The following SRBD1 variants were observed in gnomAD, a reference collection of about 807,000 sequenced individuals.
SRBD1 encodes S1 RNA binding domain 1, also known as S1 RNA-binding domain-containing protein 1.
Under a neutral mutation model 115.3 loss-of-function variants are expected in SRBD1, and 88 were observed. That is an observed-to-expected ratio of 0.76 (90% CI 0.64 to 0.91). SRBD1 has a LOEUF of 0.91. SRBD1 is among the 40% of genes least tolerant of loss of function. SRBD1 has a pLI of 0.00. For missense variants in SRBD1, 1,385 were observed against 1,177.4 expected (o/e 1.18, Z -2.58); for synonymous variants, 509 against 407.7 (o/e 1.25, Z -2.99).
At chr2:45,603,737 C>A (rs1419243369) in intron 2 of SRBD1, among the ~76,000 whole-genome samples, 1 of 152,102 alleles carries the variant, frequency 6.6e-6, no homozygotes, top group Non-Finnish European at 1.5e-5. Flanking sequence ...CTATGATGGC[C>A]AGGCTAGACT....
chr2:45,414,839 C>T (rs1050798755), intron 18 of SRBD1, among the ~76,000 whole-genome samples: 7 of 143,784 alleles, frequency 4.9e-5, no homozygotes, highest in African/African-American at 1.4e-4. Flanking sequence ...AGTATGTACA[C>T]ACACATATAG....
At chr2:45,473,573 T>A (rs1416154873) in intron 16 of SRBD1, among the ~76,000 whole-genome samples, 1 of 152,220 alleles carries the variant, frequency 6.6e-6, no homozygotes, top group East Asian at 1.9e-4. Flanking sequence ...AATTGATGGT[T>A]TGCCTGATTT....
Position 45,602,001 on chromosome 2 carries a change from G to C in SRBD1, c.163C>G (p.Pro55Ala), listed in dbSNP as rs751705938. ...KKVPRSRKQP[P>A]PKESKPKRMP... ...CTCTTTGGTTTGGATTCCTTGGGAG[G>C]GGGCTGTTTACGGCTTCTGGGAACT... The change falls in exon 3 of 21, where the codon CCT becomes GCT. Residue 55 changes from proline to alanine, a missense_variant. Physicochemically the swap from Pro to Ala is conservative, Grantham distance 27 (BLOSUM62 -1). Transcript: ENST00000263736. The C allele has an allele frequency of 1.9e-6, 3 of 1,614,076 alleles. No homozygotes were observed. The highest frequency in any genetic ancestry group is 2.7e-5 in the African/African-American group (2 of 74,940).
At chr2:45,422,479 G>T (rs549877913) in intron 16 of SRBD1, among the ~76,000 whole-genome samples, 1 of 151,968 alleles carries the variant, frequency 6.6e-6, no homozygotes, top group South Asian at 2.1e-4. Context: ...ATTTGCCACC[G>T]GCATAAAAAA....
intron 16 of SRBD1, among the ~76,000 whole-genome samples, chr2:45,420,754 C>T (rs993823608): frequency 1.3e-5 from 2 of 152,230 alleles, no homozygotes; most frequent in African/African-American, 2.4e-5. Flanking sequence ...GATAACGCAG[C>T]ATTTCTTAAA....
chr2:45,503,541 G>C (rs952052419), intron 14 of SRBD1, among the ~76,000 whole-genome samples: 2 of 152,046 alleles, frequency 1.3e-5, no homozygotes, highest in African/African-American at 2.4e-5. Context: ...AATTTTATTA[G>C]TCATTTTCAC....
rs559535103 is a variant in SRBD1, at chr2:45,606,672, A to G, written c.1-1231T>C. Among the ~76,000 whole-genome samples the G allele has an allele frequency of 2.7e-4, 41 of 152,364 alleles. 1 individual carries two copies. The highest frequency in any genetic ancestry group is 1.4e-3 in the Admixed American group (21 of 15,304). On this transcript the variant is annotated intron_variant, in intron 1 of 20. Transcript: ENST00000263736. The stretch of plus-strand genomic sequence containing the variant: ...AATTCGAAGGCCAAGCTGTAAAAAA[A>G]AGTTAAGACAAATAACCAGAGACAT...
chr2:45,420,765 A>C (rs1424625671), intron 16 of SRBD1, among the ~76,000 whole-genome samples: 1 of 152,246 alleles, frequency 6.6e-6, no homozygotes, highest in African/African-American at 2.4e-5. Flanking sequence ...ATTTCTTAAA[A>C]GAGTAATCCT....
chr2:45,561,248 T>A (rs1177318620), intron 10 of SRBD1, among the ~76,000 whole-genome samples: 1 of 152,262 alleles, frequency 6.6e-6, no homozygotes, highest in Non-Finnish European at 1.5e-5. Context: ...ATGTTCATAT[T>A]TCAACTTCAG....
intron 9 of SRBD1, among the ~76,000 whole-genome samples, 154 bp downstream of exon 9, chr2:45,573,053 A>T (rs1213703601): frequency 6.6e-6 from 1 of 152,182 alleles, no homozygotes; most frequent in Non-Finnish European, 1.5e-5. Context: ...CAATTTGTGA[A>T]GCGGCAAGGA....
chr2:45,431,643 G>A (rs1668341089), intron 16 of SRBD1, among the ~76,000 whole-genome samples: 1 of 152,178 alleles, frequency 6.6e-6, no homozygotes, highest in Admixed American at 6.5e-5. Context: ...GGAAGGCTAG[G>A]GGAGGGATAG....
At chr2:45,566,125 G>A (rs537488117) in intron 9 of SRBD1, among the ~76,000 whole-genome samples, 1 of 152,310 alleles carries the variant, frequency 6.6e-6, no homozygotes, top group African/African-American at 2.4e-5. Flanking sequence ...ATGTAAAAAT[G>A]GCATAGCCAC....
chr2:45,516,680 T>A (rs186715766), intron 14 of SRBD1, among the ~76,000 whole-genome samples: 1 of 152,260 alleles, frequency 6.6e-6, no homozygotes, highest in African/African-American at 2.4e-5. Context: ...TATTCTTAAT[T>A]TGTAAGTGTA....
chr2:45,529,164 T>C lies in SRBD1; in HGVS notation c.1874+17568A>G, dbSNP rs570560424. 2.0e-5 allele frequency among the ~76,000 whole-genome samples: 3 copies of C among 152,076 alleles called. No individual in the cohort carries two copies. In the South Asian group the frequency reaches 6.2e-4, roughly 32 times the overall value. On this transcript the variant is annotated intron_variant, in intron 14 of 20. Coordinates refer to ENST00000263736, the MANE Select transcript of SRBD1 (RefSeq NM_018079.5). The stretch of plus-strand genomic sequence containing the variant: ...GATTTTAAAAGAAGTATTTCCCTTC[T>C]ATATAATGACAAAAAAGGATTCTGT...
chr2:45,475,497 T>C (rs1314518234), intron 16 of SRBD1, among the ~76,000 whole-genome samples: 1 of 152,198 alleles, frequency 6.6e-6, no homozygotes, highest in Non-Finnish European at 1.5e-5. Flanking sequence ...TTAAACGTTA[T>C]CTCTGAATCC....
intron 14 of SRBD1, among the ~76,000 whole-genome samples, chr2:45,539,597 A>G (rs779723502): frequency 5.1e-4 from 77 of 152,216 alleles, no homozygotes; most frequent in Non-Finnish European, 1.0e-4. Context: ...TGATGAGAAT[A>G]TGGAACTATA....
intron 2 of SRBD1, among the ~76,000 whole-genome samples, chr2:45,602,387 G>A (rs933661374): frequency 6.6e-6 from 1 of 152,122 alleles, no homozygotes; most frequent in African/African-American, 2.4e-5. Context: ...ATTACCTTAA[G>A]TAATTTACTG....
At chr2:45,431,355 C>T (rs1328138154) in intron 16 of SRBD1, among the ~76,000 whole-genome samples, 9 of 152,146 alleles carry the variant, frequency 5.9e-5, no homozygotes, top group Non-Finnish European at 1.0e-4. Flanking sequence ...TATTGCAGCA[C>T]TATTCACAAT....
intron 6 of SRBD1, among the ~76,000 whole-genome samples, 166 bp from the exon 7 acceptor site, chr2:45,580,179 T>C (rs1367271909): frequency 1.3e-5 from 2 of 152,216 alleles, no homozygotes; most frequent in Non-Finnish European, 2.9e-5. Flanking sequence ...TGCTTTACTG[T>C]ATGAAGATGG....
Sources: gnomAD v4.1 joint callset for allele counts (sites outside exome capture counted in the v4.1 genomes callset) on GRCh38, gnomAD v4.1.1 for gene constraint, MANE v1.5 for transcripts, NCBI Gene and HGNC (gene_info 2026-07-23, HGNC 2026-07-21) for gene names.